The following KCNH5 variants were observed in gnomAD, a reference collection of about 807,000 sequenced individuals.
The protein encoded by KCNH5 is potassium voltage-gated channel subfamily H member 5.
KCNH5 carries 46 observed loss-of-function variants against 96.1 expected under a neutral mutation model. The observed-to-expected ratio is 0.48, with a 90% CI of 0.38 to 0.61. The LOEUF is 0.61. Ranked by LOEUF, KCNH5 falls within the 20% of genes least tolerant of loss-of-function variation. KCNH5 has a pLI of 0.00. For synonymous variants in KCNH5, 439 were observed against 449.8 expected (o/e 0.98, Z 0.30); for missense variants, 907 against 1,225.8 (o/e 0.74, Z 3.88).
chr14:63,037,740 C>T (rs1891749700), intron 1 of KCNH5, among the ~76,000 whole-genome samples: 1 of 152,170 alleles, frequency 6.6e-6, no homozygotes, highest in South Asian at 2.1e-4. Flanking sequence ...CTCTAAAAAT[C>T]TAAAACTCAT....
chr14:62,766,484 A>C (rs1228104548), intron 10 of KCNH5, among the ~76,000 whole-genome samples: 1 of 152,138 alleles, frequency 6.6e-6, no homozygotes, highest in Non-Finnish European at 1.5e-5. Flanking sequence ...CACACCTGAG[A>C]ACTATTCATC....
intron 6 of KCNH5, among the ~76,000 whole-genome samples, chr14:62,951,442 T>C (rs1284004719): frequency 3.3e-5 from 5 of 152,086 alleles, no homozygotes; most frequent in Non-Finnish European, 5.9e-5. Flanking sequence ...GGAGGGAAAA[T>C]GGAGCAGTGA....
chr14:62,802,690 C>T, intron 8 of KCNH5, 109 bp from the exon 9 acceptor site: 1 of 1,307,746 alleles, frequency 7.6e-7, no homozygotes. Context: ...TGCTACACTG[C>T]TACACACCTT....
chr14:63,024,140 T>G (rs566851139), intron 1 of KCNH5, among the ~76,000 whole-genome samples: 53 of 151,322 alleles, frequency 3.5e-4, no homozygotes, highest in African/African-American at 1.2e-3. Flanking sequence ...ACCCGGGAGG[T>G]AGAAGTTGCA....
intron 6 of KCNH5, among the ~76,000 whole-genome samples, chr14:62,963,488 G>A (rs761203736): frequency 8.5e-5 from 13 of 152,088 alleles, no homozygotes; most frequent in East Asian, 1.9e-4. Flanking sequence ...CAAGAAAGCC[G>A]ATATTGCAAT....
chr14:63,008,310 G>T (rs1283213884), intron 2 of KCNH5, among the ~76,000 whole-genome samples: 1 of 151,650 alleles, frequency 6.6e-6, no homozygotes, highest in Non-Finnish European at 1.5e-5. Flanking sequence ...TCAAATGAGG[G>T]CCCCTGAAGG....
intron 9 of KCNH5, among the ~76,000 whole-genome samples, chr14:62,797,791 C>T (rs1886570558): frequency 6.6e-6 from 1 of 151,922 alleles, no homozygotes; most frequent in South Asian, 2.1e-4. Context: ...TCTCAGCTCA[C>T]TGCAACCTCA....
rs138504273 is a variant in KCNH5 at position 62,895,801 on chromosome 14, G to C, written c.1370-45949C>G. 2.6e-3 allele frequency among the ~76,000 whole-genome samples: 403 copies of C among 152,206 alleles called. 3 individuals carry two copies. Among genetic ancestry groups the C allele is most frequent in the African/African-American group, 9.2e-3 (382 of 41,526 alleles). On this transcript the variant is annotated intron_variant, in intron 7 of 10. Coordinates refer to ENST00000322893, the MANE Select transcript of KCNH5 (RefSeq NM_139318.5). ...CTAGTGGTAGAACTTAGACTCCAAA[G>C]ACATATTTTGTAAAGGTTCATCAGC...
chr14:62,904,547 A>C (rs1278720735), intron 7 of KCNH5, among the ~76,000 whole-genome samples: 1 of 152,160 alleles, frequency 6.6e-6, no homozygotes, highest in African/African-American at 2.4e-5. Flanking sequence ...GATGATGTGG[A>C]GATGTCTTGG....
At chr14:62,754,212 C>T (rs1446386234) in intron 10 of KCNH5, among the ~76,000 whole-genome samples, 5 of 152,020 alleles carry the variant, frequency 3.3e-5, no homozygotes, top group Non-Finnish European at 5.9e-5. Flanking sequence ...ATATTATTCG[C>T]AAGCTTCATG....
At chr14:62,738,119 G>A (rs1170565853) in intron 10 of KCNH5, among the ~76,000 whole-genome samples, 1 of 152,082 alleles carries the variant, frequency 6.6e-6, no homozygotes, top group Non-Finnish European at 1.5e-5. Flanking sequence ...CACAAGCACT[G>A]TGATACCATG....
intron 10 of KCNH5, among the ~76,000 whole-genome samples, chr14:62,769,540 C>T (rs938771637): frequency 6.6e-6 from 1 of 152,240 alleles, no homozygotes; most frequent in Non-Finnish European, 1.5e-5. Flanking sequence ...TCTGAATGCA[C>T]TAGACAAGCT....
rs374946836 is a variant in KCNH5 at position 62,849,142 on chromosome 14, G to A, written c.1569+511C>T. Among the ~76,000 whole-genome samples the A allele has an allele frequency of 1.1e-4, 16 of 152,196 alleles. 1 individual carries two copies. The East Asian group carries it at 1.3e-3, about 13-fold the overall frequency. On this transcript the variant is annotated intron_variant, in intron 8 of 10. Transcript: ENST00000322893. ...GGAGATATCTATTTTATAGATGTGTGTAAGGTAAAGTGGAAAATAAAGACT... is the reference window on the plus strand; with the variant it reads ...GGAGATATCTATTTTATAGATGTGTATAAGGTAAAGTGGAAAATAAAGACT...
intron 7 of KCNH5, chr14:62,949,856 C>T (rs1338495630): frequency 3.7e-5 from 8 of 214,038 alleles, no homozygotes; most frequent in Non-Finnish European, 5.4e-5. Flanking sequence ...ATGGAATGTG[C>T]GAAACGCCAC....
chr14:62,933,726 C>A (rs1279008253), intron 7 of KCNH5, among the ~76,000 whole-genome samples: 10 of 152,060 alleles, frequency 6.6e-5, no homozygotes, highest in Non-Finnish European at 1.2e-4. Flanking sequence ...TCAAAATAAA[C>A]CTTATAGCGC....
At chr14:62,959,105 C>T (rs1890159871) in intron 6 of KCNH5, among the ~76,000 whole-genome samples, 1 of 152,046 alleles carries the variant, frequency 6.6e-6, no homozygotes, top group Non-Finnish European at 1.5e-5. Context: ...ACCTTAAAAT[C>T]CTATTCATTT....
chr14:62,892,486 C>T (rs185664314), intron 7 of KCNH5, among the ~76,000 whole-genome samples: 27 of 152,300 alleles, frequency 1.8e-4, no homozygotes, highest in African/African-American at 6.3e-4. Flanking sequence ...GATGAAGAAG[C>T]TTCAGCAAGT....
intron 7 of KCNH5, among the ~76,000 whole-genome samples, chr14:62,862,707 T>C (rs750396041): frequency 6.6e-6 from 1 of 152,180 alleles, no homozygotes; most frequent in Non-Finnish European, 1.5e-5. Flanking sequence ...GAAGTCTGGG[T>C]TGTACTGAGG....
Position 62,732,487 on chromosome 14 carries a change from G to GAA in KCNH5, c.2020-24034_2020-24033dup, listed in dbSNP as rs530245570. Among the ~76,000 whole-genome samples the GAA allele has an allele frequency of 1.8e-3, 257 of 139,986 alleles. 2 individuals carry two copies. The highest frequency in any genetic ancestry group is 6.5e-3 in the African/African-American group (249 of 38,238). The allele number at this position is 139,986 out of a possible 152,430, so 91.8% of individuals were successfully genotyped here. ...GCTCCTCTCTCCCATCCTGATAAAG[G>GAA]AAAAAAAAAAAACTCACAAAAGTCA... On this transcript the variant is annotated intron_variant, in intron 10 of 10. Transcript: ENST00000322893.
Sources: gnomAD v4.1 joint callset for allele counts (sites outside exome capture counted in the v4.1 genomes callset) on GRCh38, gnomAD v4.1.1 for gene constraint, MANE v1.5 for transcripts, NCBI Gene and HGNC (gene_info 2026-07-23, HGNC 2026-07-21) for gene names.